The following TSPAN9 variants were observed in gnomAD, a reference collection of about 807,000 sequenced individuals.
TSPAN9 encodes the protein tetraspanin-9.
A neutral mutation model predicts 31.0 loss-of-function variants in TSPAN9; 16 were observed. That is an observed-to-expected ratio of 0.52 (90% CI 0.35 to 0.78). The LOEUF is 0.78. Among genes scored for constraint, TSPAN9 ranks in the 30% least tolerant of loss-of-function variants. The pLI, the probability that TSPAN9 is intolerant of heterozygous loss-of-function variation, is 0.01. For synonymous variants in TSPAN9, 145 were observed against 121.6 expected (o/e 1.19, Z -1.27); for missense variants, 272 against 312.5 (o/e 0.87, Z 0.98).
At chr12:3,227,136 A>G (rs2098388270) in intron 3 of TSPAN9, among the ~76,000 whole-genome samples, 1 of 151,888 alleles carries the variant, frequency 6.6e-6, no homozygotes, top group African/African-American at 2.4e-5. Flanking sequence ...GGCCCTCTGT[A>G]TGCTGGCAGT....
At chr12:3,171,542 T>A (rs907774469) in intron 2 of TSPAN9, 5 of 152,268 alleles carry the variant, frequency 3.3e-5, no homozygotes, top group Non-Finnish European at 5.9e-5. Context: ...CATCCCTGTG[T>A]GTCCCTGTGA....
At chr12:3,197,265 ATGT>A (rs1488478475) in intron 2 of TSPAN9, among the ~76,000 whole-genome samples, 3 of 152,206 alleles carry the variant, frequency 2.0e-5, no homozygotes, top group Non-Finnish European at 4.4e-5. Context: ...CAAAGAAGTA[ATGT>A]TGTGAGAATG....
chr12:3,113,142 G>A (rs2098320062), intron 2 of TSPAN9, among the ~76,000 whole-genome samples: 2 of 152,216 alleles, frequency 1.3e-5, no homozygotes, highest in African/African-American at 4.8e-5. Flanking sequence ...GCCCTCATAA[G>A]CTTACATTCT....
intron 2 of TSPAN9, among the ~76,000 whole-genome samples, chr12:3,141,418 A>T (rs2098334782): frequency 6.6e-6 from 1 of 152,016 alleles, no homozygotes; most frequent in South Asian, 2.1e-4. Context: ...TCTGCAGCGC[A>T]CGGTGATGCC....
At chr12:3,226,678 G>A (rs780102585) in intron 3 of TSPAN9, among the ~76,000 whole-genome samples, 59,972 of 88,640 alleles carry the variant, frequency 0.68, 19,477 homozygotes, top group South Asian at 0.88. Flanking sequence ...GTGTGTGTGT[G>A]TGTGTGTGTG....
intron 3 of TSPAN9, chr12:3,212,023 G>GT: frequency 1.5e-6 from 1 of 689,246 alleles, no homozygotes; most frequent in East Asian, 2.7e-5. Flanking sequence ...CCAGGCTGGA[G>GT]TGCAGTGGCA....
intron 1 of TSPAN9, among the ~76,000 whole-genome samples, chr12:3,079,945 A>AATTT (rs1555138024): frequency 3.1e-4 from 43 of 140,386 alleles, no homozygotes; most frequent in South Asian, 9.3e-4. Flanking sequence ...AATTAAAAAA[A>AATTT]TTTTTTTTTT....
At chr12:3,242,993 G>T (rs1445077596) in intron 3 of TSPAN9, among the ~76,000 whole-genome samples, 3 of 152,214 alleles carry the variant, frequency 2.0e-5, no homozygotes, top group African/African-American at 7.2e-5. Flanking sequence ...GGAGAACTGG[G>T]TCTCCAGGTC....
At chr12:3,120,243 C>T (rs995738784) in intron 2 of TSPAN9, among the ~76,000 whole-genome samples, 7 of 152,276 alleles carry the variant, frequency 4.6e-5, no homozygotes, top group African/African-American at 7.2e-5. Context: ...TTAGTAAGAA[C>T]GAGTTCGAAC....
intron 2 of TSPAN9, among the ~76,000 whole-genome samples, chr12:3,167,707 G>A (rs1292473302): frequency 6.6e-6 from 1 of 152,172 alleles, no homozygotes; most frequent in Non-Finnish European, 1.5e-5. Context: ...CTGTGAGCAT[G>A]GTCTCCCGCT....
chr12:3,106,106 A>G (rs1031377531), intron 2 of TSPAN9, among the ~76,000 whole-genome samples: 2 of 152,158 alleles, frequency 1.3e-5, no homozygotes, highest in Non-Finnish European at 2.9e-5. Context: ...ACACACACAC[A>G]TGCCTGCCCA....
At chr12:3,218,475 G>A (rs2098382547) in intron 3 of TSPAN9, among the ~76,000 whole-genome samples, 1 of 152,246 alleles carries the variant, frequency 6.6e-6, no homozygotes, top group Non-Finnish European at 1.5e-5. Flanking sequence ...GGATCTGGTT[G>A]GGGCTATGAT....
At chr12:3,077,975 C>G (rs2098295943) in intron 1 of TSPAN9, among the ~76,000 whole-genome samples, 1 of 152,224 alleles carries the variant, frequency 6.6e-6, no homozygotes, top group African/African-American at 2.4e-5. Context: ...TCTAGCCCAT[C>G]TGTGCATTCA....
intron 2 of TSPAN9, among the ~76,000 whole-genome samples, chr12:3,140,134 AGT>A (rs1764386651): frequency 1.0e-5 from 1 of 98,586 alleles, no homozygotes; most frequent in Non-Finnish European, 2.1e-5. Flanking sequence ...TACTACCCAG[AGT>A]GTGGCCCGTG....
At chr12:3,148,317 CCATTGGG>C (rs1297316215) in intron 2 of TSPAN9, among the ~76,000 whole-genome samples, 1 of 152,226 alleles carries the variant, frequency 6.6e-6, no homozygotes, top group Admixed American at 6.5e-5. Context: ...GAAATCAAAG[CCATTGGG>C]CATTTTAGTG....
intron 6 of TSPAN9, 33 bp from the exon 7 acceptor site, chr12:3,281,165 T>G: frequency 6.5e-7 from 1 of 1,549,814 alleles, no homozygotes; most frequent in Non-Finnish European, 8.7e-7. Flanking sequence ...GGCCATGGCA[T>G]GTCTGACTGC....
chr12:3,199,925 A>C (rs549279711), intron 2 of TSPAN9: 5 of 152,638 alleles, frequency 3.3e-5, no homozygotes, highest in African/African-American at 1.2e-4. Flanking sequence ...CCCTGGCCGG[A>C]CAGGCCCCCA....
intron 2 of TSPAN9, among the ~76,000 whole-genome samples, chr12:3,138,464 T>A (rs952809299): frequency 5.6e-5 from 7 of 124,114 alleles, no homozygotes; most frequent in Non-Finnish European, 1.3e-4. Context: ...TCCTCCCGTT[T>A]CTTTTTTTCT....
At chr12:3,095,640 C>G (rs2098308003) in intron 2 of TSPAN9, among the ~76,000 whole-genome samples, 1 of 142,426 alleles carries the variant, frequency 7.0e-6, no homozygotes, top group East Asian at 2.2e-4. Flanking sequence ...TGACCCCCCC[C>G]ACCTCCCTCC....
Sources: gnomAD v4.1 joint callset for allele counts (sites outside exome capture counted in the v4.1 genomes callset) on GRCh38, gnomAD v4.1.1 for gene constraint, MANE v1.5 for transcripts, NCBI Gene and HGNC (gene_info 2026-07-23, HGNC 2026-07-21) for gene names.